The following DTWD2 variants were observed in gnomAD, a reference collection of about 807,000 sequenced individuals.
DTWD2 encodes tRNA-uridine aminocarboxypropyltransferase 2.
Under a neutral mutation model 31.8 loss-of-function variants are expected in DTWD2, and 39 were observed. That is an observed-to-expected ratio of 1.22 (90% CI 0.95 to 1.60). DTWD2 has a LOEUF of 1.60. DTWD2 is among the 40% of genes most tolerant of loss of function. The pLI is 0.00. For missense variants in DTWD2, 515 were observed against 381.5 expected, an observed-to-expected ratio of 1.35 and a Z score of -2.92; for synonymous variants, 180 against 142.8, an observed-to-expected ratio of 1.26 and a Z score of -1.86.
intron 1 of DTWD2, among the ~76,000 whole-genome samples, chr5:118,965,782 C>T (rs1754832205): frequency 6.6e-6 from 1 of 152,088 alleles, no homozygotes; most frequent in Admixed American, 6.5e-5. Context: ...CTCAAGTGCC[C>T]AGGGATACAA....
chr5:118,884,512 T>C (rs1165442827), intron 4 of DTWD2, among the ~76,000 whole-genome samples: 2 of 152,198 alleles, frequency 1.3e-5, no homozygotes. Flanking sequence ...CAAATACATA[T>C]TTAAATTTAT....
intron 4 of DTWD2, among the ~76,000 whole-genome samples, chr5:118,855,459 C>T (rs1428273128): frequency 1.3e-5 from 2 of 151,662 alleles, no homozygotes; most frequent in Admixed American, 6.6e-5. Flanking sequence ...CTGTTGATTG[C>T]AGGCAACTGT....
chr5:118,966,461 C>A (rs1453817155), intron 1 of DTWD2, among the ~76,000 whole-genome samples: 1 of 152,126 alleles, frequency 6.6e-6, no homozygotes, highest in African/African-American at 2.4e-5. Context: ...ATATCTGTCA[C>A]CTCAAAGTTA....
At chr5:118,850,348 T>C (rs1751969531) in intron 4 of DTWD2, among the ~76,000 whole-genome samples, 1 of 143,812 alleles carries the variant, frequency 7.0e-6, no homozygotes, top group African/African-American at 2.6e-5. Flanking sequence ...GTGTGGTGCA[T>C]GCGCCTATAA....
At chr5:118,929,994 A>G (rs1035071163) in intron 3 of DTWD2, among the ~76,000 whole-genome samples, 1 of 152,224 alleles carries the variant, frequency 6.6e-6, no homozygotes, top group Non-Finnish European at 1.5e-5. Context: ...CATAATAACC[A>G]GCTTTGCCAT....
At chr5:118,978,594 A>C (rs766667265) in intron 1 of DTWD2, among the ~76,000 whole-genome samples, 52 of 152,256 alleles carry the variant, frequency 3.4e-4, no homozygotes, top group Non-Finnish European at 6.5e-4. Flanking sequence ...TCTCAAAAGA[A>C]GACATTCATG....
At chr5:118,938,153 T>C (rs1754086905) in intron 3 of DTWD2, among the ~76,000 whole-genome samples, 1 of 152,120 alleles carries the variant, frequency 6.6e-6, no homozygotes, top group African/African-American at 2.4e-5. Context: ...GGTAAAGATG[T>C]TGGCTTTCAC....
chr5:118,902,623 A>C (rs1251612709), intron 4 of DTWD2, among the ~76,000 whole-genome samples: 1 of 152,128 alleles, frequency 6.6e-6, no homozygotes, highest in Non-Finnish European at 1.5e-5. Context: ...CAGTAAAAGC[A>C]TGAAACTTTT....
intron 4 of DTWD2, among the ~76,000 whole-genome samples, chr5:118,856,314 C>T (rs894503196): frequency 6.6e-5 from 10 of 152,100 alleles, no homozygotes; most frequent in Non-Finnish European, 1.5e-4. Flanking sequence ...GGTATTCATC[C>T]ATATTATTCC....
chr5:118,908,931 G>A (rs1168097622), intron 4 of DTWD2, among the ~76,000 whole-genome samples: 1 of 152,188 alleles, frequency 6.6e-6, no homozygotes, highest in Non-Finnish European at 1.5e-5. Context: ...GAGTTAAGGA[G>A]CTGCAGCAAC....
chr5:118,958,727 G>A (rs867520485), intron 1 of DTWD2, among the ~76,000 whole-genome samples: 3 of 152,098 alleles, frequency 2.0e-5, no homozygotes, highest in African/African-American at 4.8e-5. Flanking sequence ...GAATCCAGCA[G>A]CACATCAAAA....
intron 4 of DTWD2, among the ~76,000 whole-genome samples, chr5:118,901,502 C>A (rs1330991422): frequency 6.6e-6 from 1 of 152,116 alleles, no homozygotes; most frequent in African/African-American, 2.4e-5. Flanking sequence ...TTTTCTAAAG[C>A]TTGCTATCTT....
intron 1 of DTWD2, among the ~76,000 whole-genome samples, chr5:118,954,994 T>C (rs1348817622): frequency 1.3e-5 from 2 of 152,214 alleles, no homozygotes; most frequent in Non-Finnish European, 2.9e-5. Flanking sequence ...ATTCAGAGTG[T>C]CAGGTCTTCC....
chr5:118,841,004 C>T lies in DTWD2; in HGVS notation c.810G>A (p.Leu270=), dbSNP rs1388366819. 4 of 1,613,616 alleles carry T rather than the reference C, an allele frequency of 2.5e-6. No homozygotes were observed. Among genetic ancestry groups the T allele is most frequent in the Non-Finnish European group, 3.4e-6 (4 of 1,179,816 alleles). Reference sequence around the variant, plus strand: ...TTGGTTTAGGATATAATCCATTTTTCAGAAGGTGTTCCTTGCTGAGGCGAA... The same window carrying T: ...TTGGTTTAGGATATAATCCATTTTTTAGAAGGTGTTCCTTGCTGAGGCGAA... ...AQIRLSKEHL[L]KNGLYPKPMP... The change falls in exon 6 of 6, where the codon CTG becomes CTA. Residue 270 remains leucine (L), a synonymous_variant. Transcript: ENST00000510708.
chr5:118,844,234 C>T (rs963211843), intron 5 of DTWD2, among the ~76,000 whole-genome samples: 6 of 152,228 alleles, frequency 3.9e-5, no homozygotes, highest in Middle Eastern at 3.2e-3. Flanking sequence ...GGAACCATTA[C>T]TACCAACTGC....
At chr5:118,945,268 C>T (rs1341964951) in intron 1 of DTWD2, among the ~76,000 whole-genome samples, 3 of 152,064 alleles carry the variant, frequency 2.0e-5, no homozygotes, top group African/African-American at 4.8e-5. Flanking sequence ...TAGTGCTTTA[C>T]TACTGTTTAG....
chr5:118,973,699 C>G, intron 1 of DTWD2: 1 of 1,458,922 alleles, frequency 6.9e-7, no homozygotes, highest in Non-Finnish European at 9.4e-7. Context: ...CCACGCGCCT[C>G]CTCCGCCGCC....
intron 5 of DTWD2, among the ~76,000 whole-genome samples, chr5:118,842,951 CTCTT>C (rs1381595128): frequency 2.1e-5 from 3 of 139,730 alleles, no homozygotes; most frequent in African/African-American, 8.2e-5. Context: ...TTTCTTCTTC[CTCTT>C]TTTTTTTTTT....
At chr5:118,984,235 G>A (rs1440982212) in intron 1 of DTWD2, among the ~76,000 whole-genome samples, 2 of 151,962 alleles carry the variant, frequency 1.3e-5, no homozygotes, top group Non-Finnish European at 2.9e-5. Flanking sequence ...GTTGCGGTCA[G>A]CCAAGATCAT....
Sources: allele counts gnomAD v4.1 joint callset (sites outside exome capture counted in the v4.1 genomes callset), GRCh38; gene constraint gnomAD v4.1.1; transcripts MANE v1.5; gene names NCBI Gene and HGNC (gene_info 2026-07-23, HGNC 2026-07-21).